The following CHD9 variants were observed in gnomAD, a reference collection of about 807,000 sequenced individuals.
CHD9 encodes chromodomain helicase DNA binding protein 9.
A neutral mutation model predicts 316.1 loss-of-function variants in CHD9; 77 were observed. The observed-to-expected ratio is 0.24, with a 90% CI of 0.20 to 0.29. The LOEUF (loss-of-function observed/expected upper bound fraction) is 0.29. Among genes scored for constraint, CHD9 ranks in the 10% least tolerant of loss-of-function variants. The probability of loss-of-function intolerance (pLI) is 1.00; values close to 1 mark genes in which losing one functional copy is unlikely to be tolerated. For synonymous variants in CHD9, 1,129 were observed against 1,158.3 expected (o/e 0.97, Z 0.51); for missense variants, 2,763 against 3,438.1 (o/e 0.80, Z 4.91).
chr16:53,113,236 A>G (rs2038007186), intron 1 of CHD9, among the ~76,000 whole-genome samples: 1 of 152,126 alleles, frequency 6.6e-6, no homozygotes. Flanking sequence ...AGATGTTATG[A>G]GTCTTATTTC....
At chr16:53,076,104 C>T (rs935270618) in intron 1 of CHD9, among the ~76,000 whole-genome samples, 16 of 152,070 alleles carry the variant, frequency 1.1e-4, no homozygotes, top group African/African-American at 3.9e-4. Context: ...TTTTGAATCA[C>T]GTTTGTTGTT....
intron 2 of CHD9, among the ~76,000 whole-genome samples, chr16:53,196,273 G>C (rs1029534585): frequency 3.3e-5 from 5 of 152,166 alleles, no homozygotes; most frequent in Non-Finnish European, 7.3e-5. Context: ...CCAAGATACA[G>C]TTTGGTTCCA....
chr16:53,092,605 C>T (rs1412857462), intron 1 of CHD9, among the ~76,000 whole-genome samples: 2 of 152,112 alleles, frequency 1.3e-5, no homozygotes, highest in African/African-American at 2.4e-5. Context: ...TCAGCTCCCT[C>T]CCTAGCAAAC....
chr16:53,281,424 A>G (rs1188685864), intron 24 of CHD9, among the ~76,000 whole-genome samples: 2 of 152,078 alleles, frequency 1.3e-5, no homozygotes, highest in Non-Finnish European at 2.9e-5. Flanking sequence ...CCTCTGCCAA[A>G]TCCCTAGTCC....
rs141671356 is a variant in CHD9 at position 53,299,187 on chromosome 16, C to G, written c.5713+2029C>G. 7.0e-3 allele frequency: 1,113 copies of G among 158,484 alleles called. 17 individuals are homozygous for G. The highest frequency in any genetic ancestry group is 0.026 in the African/African-American group (1,069 of 41,638). 9.8% of individuals were successfully genotyped at this position (158,484 alleles called of 1,614,324 possible). A position where few individuals can be genotyped will look rare whatever the true frequency, so the allele number is the denominator to read the frequency against. ...TAATTGAAATAAATAGCCCTAACCT[C>G]TTTTCTAAACGGTTTTCCGAAATTG... On this transcript the variant is annotated intron_variant, in intron 30 of 38. Coordinates refer to ENST00000447540, the MANE Select transcript of CHD9 (RefSeq NM_001308319.2).
chr16:53,165,826 C>T (rs1198745260), intron 2 of CHD9, among the ~76,000 whole-genome samples: 1 of 151,914 alleles, frequency 6.6e-6, no homozygotes, highest in Non-Finnish European at 1.5e-5. Flanking sequence ...CAGATGTACG[C>T]ACAATTAAAA....
At chr16:53,081,537 A>C (rs1180854685) in intron 1 of CHD9, among the ~76,000 whole-genome samples, 1 of 152,100 alleles carries the variant, frequency 6.6e-6, no homozygotes, top group African/African-American at 2.4e-5. Context: ...TGTCTTATTC[A>C]CCACTCTATC....
chr16:53,280,177 ACC>A (rs1004496595), intron 24 of CHD9, among the ~76,000 whole-genome samples: 2 of 152,324 alleles, frequency 1.3e-5, no homozygotes, highest in African/African-American at 4.8e-5. Flanking sequence ...CTGGGTATTT[ACC>A]CAGAGGAAAA....
chr16:53,245,188 A>T lies in CHD9; in HGVS notation c.3055-148A>T. ...TGTCTCTAAACAAACAAACAAATAT[A>T]TATATATACACACACACACACATAA... On this transcript the variant is annotated intron_variant, in intron 13 of 38. Coordinates refer to ENST00000447540, the MANE Select transcript of CHD9 (RefSeq NM_001308319.2). This position sits in a 1 kb window ranked among gnomAD's most constrained non-coding sequence, Gnocchi z 4.1. 2.0e-6 allele frequency: 1 copy of T among 499,134 alleles called. No homozygotes were observed. Among genetic ancestry groups the T allele is most frequent in the Non-Finnish European group, 3.2e-6 (1 of 315,852 alleles). 30.9% of individuals were successfully genotyped at this position (499,134 alleles called of 1,614,324 possible).
At chr16:53,242,147 A>G (rs1260333625) in intron 12 of CHD9, among the ~76,000 whole-genome samples, 1 of 152,192 alleles carries the variant, frequency 6.6e-6, no homozygotes, top group Non-Finnish European at 1.5e-5. Context: ...CTCAGATACC[A>G]CATCGCAATA....
Position 53,235,168 on chromosome 16 carries a change from T to A in CHD9, c.2512-17T>A. ...TGGAAGATTTAAACACCATTCATTCTTTGTTTTTCCACAAAGGACCGTCCT... is the reference window on the plus strand; with the variant it reads ...TGGAAGATTTAAACACCATTCATTCATTGTTTTTCCACAAAGGACCGTCCT... On this transcript the variant is annotated splice_polypyrimidine_tract_variant and intron_variant, in intron 10 of 38. Transcript: ENST00000447540. The A allele has an allele frequency of 6.5e-7, 1 of 1,548,992 alleles. No individual in the cohort carries two copies. Among genetic ancestry groups the A allele is most frequent in the African/African-American group, 1.4e-5 (1 of 73,182 alleles).
At chr16:53,102,572 A>G (rs953345314) in intron 1 of CHD9, among the ~76,000 whole-genome samples, 4 of 152,214 alleles carry the variant, frequency 2.6e-5, no homozygotes, top group African/African-American at 9.6e-5. Context: ...GATTTAGGCC[A>G]TGCATGGTGG....
chr16:53,230,151 A>AT (rs1458736047), intron 8 of CHD9, among the ~76,000 whole-genome samples: 5 of 152,162 alleles, frequency 3.3e-5, no homozygotes, highest in Non-Finnish European at 7.4e-5. Flanking sequence ...CAGGTTAGGC[A>AT]TTTTTTAAAA....
rs1378396827 is a variant in CHD9 at position 53,245,559 on chromosome 16, C to T, written c.3199-36C>T. The T allele has an allele frequency of 1.3e-5, 20 of 1,538,622 alleles. No homozygotes were observed. The highest frequency in any genetic ancestry group is 1.7e-5 in the Non-Finnish European group (19 of 1,147,456). ...TTTTGTATGTGTAATTAAATGCTCACTTATGTTATATGTCTTTTTATCATT... is the reference window on the plus strand; with the variant it reads ...TTTTGTATGTGTAATTAAATGCTCATTTATGTTATATGTCTTTTTATCATT... On this transcript the variant is annotated intron_variant, in intron 14 of 38. Coordinates refer to ENST00000447540, the MANE Select transcript of CHD9 (RefSeq NM_001308319.2). The surrounding 1 kb of genome is among the most constrained non-coding windows in gnomAD (Gnocchi z 4.1).
intron 1 of CHD9, among the ~76,000 whole-genome samples, chr16:53,134,604 T>G (rs2039583280): frequency 6.6e-6 from 1 of 152,202 alleles, no homozygotes; most frequent in African/African-American, 2.4e-5. Flanking sequence ...TATAATTATT[T>G]GTTGCACTTA....
intron 4 of CHD9, chr16:53,223,541 T>C (rs1367255291): frequency 6.6e-6 from 1 of 152,620 alleles, no homozygotes; most frequent in Non-Finnish European, 1.5e-5. Context: ...TAATATTACA[T>C]GGCCTGGCTT....
In CHD9 at chr16:53,324,342, T is replaced by A. The variant is rs765184245; in HGVS notation, c.8141T>A (p.Leu2714Gln). 1 of 1,614,008 alleles carries A rather than the reference T, an allele frequency of 6.2e-7. No individual in the cohort carries two copies. The highest frequency in any genetic ancestry group is 8.5e-7 in the Non-Finnish European group (1 of 1,179,878). Reference protein sequence around the residue: ...AKNMAAMFPMLLSGMAGLPNL... With the variant: ...AKNMAAMFPMQLSGMAGLPNL... ...AACATGGCTGCTATGTTCCCCATGC[T>A]GCTGTCAGGAATGGCTGGATTACCA... Residue 2714 changes from leucine (L) to glutamine (Q), a missense_variant, in exon 39 of 39, where the codon CTG (leucine) becomes CAG (glutamine). Transcript: ENST00000447540.
At chr16:53,105,356 A>T (rs981811874) in intron 1 of CHD9, among the ~76,000 whole-genome samples, 14 of 152,094 alleles carry the variant, frequency 9.2e-5, no homozygotes, top group African/African-American at 3.4e-4. Context: ...ATACGGTTTT[A>T]TGTGCGTATT....
intron 2 of CHD9, among the ~76,000 whole-genome samples, chr16:53,167,222 G>C (rs1234456727): frequency 2.6e-5 from 4 of 152,108 alleles, no homozygotes; most frequent in Admixed American, 1.3e-4. Context: ...TCTGTGTTTA[G>C]TGTTTAAAAA....
Sources: gnomAD v4.1 joint callset for allele counts (sites outside exome capture counted in the v4.1 genomes callset) on GRCh38, gnomAD v4.1.1 for gene constraint, Gnocchi (gnomAD v3.1) non-coding constraint, MANE v1.5 for transcripts, NCBI Gene and HGNC (gene_info 2026-07-23, HGNC 2026-07-21) for gene names.